EYS: variants seen among roughly 807,000 people sequenced by gnomAD.
EYS encodes protein eyes shut homolog.
Under a neutral mutation model 282.1 loss-of-function variants are expected in EYS, and 250 were observed. The ratio of observed to expected loss-of-function variants is 0.89; its 90% confidence interval spans 0.80 to 0.98. The LOEUF (loss-of-function observed/expected upper bound fraction) is 0.98. Ranked by LOEUF, EYS falls within the 50% of genes least tolerant of loss-of-function variation. The probability of loss-of-function intolerance (pLI) is 0.00; values close to 1 mark genes in which losing one functional copy is unlikely to be tolerated. For synonymous variants in EYS, 1,355 were observed against 1,282.9 expected (o/e 1.06, Z -1.20); for missense variants, 4,016 against 3,709.0 (o/e 1.08, Z -2.15).
chr6:64,965,574 A>T (rs1770065975), intron 14 of EYS, among the ~76,000 whole-genome samples: 1 of 151,958 alleles, frequency 6.6e-6, no homozygotes, highest in Non-Finnish European at 1.5e-5. Context: ...TAAAAGAAAA[A>T]CCCAAAAAGG....
chr6:65,434,423 C>T (rs1470994266), intron 5 of EYS, among the ~76,000 whole-genome samples: 1 of 151,820 alleles, frequency 6.6e-6, no homozygotes, highest in Non-Finnish European at 1.5e-5. Context: ...CACGTTCACG[C>T]CATTCTCCTG....
chr6:63,919,422 C>T (rs923628809), intron 35 of EYS, among the ~76,000 whole-genome samples: 1 of 149,568 alleles, frequency 6.7e-6, no homozygotes. Context: ...AATCCCAACC[C>T]ACACATCCTT....
intron 2 of EYS, among the ~76,000 whole-genome samples, chr6:65,510,152 C>T (rs964433982): frequency 6.9e-6 from 1 of 145,368 alleles, no homozygotes; most frequent in Non-Finnish European, 1.5e-5. Flanking sequence ...GGTATATCTC[C>T]CAATGCTATC....
At chr6:65,690,255 T>C (rs1398199978) in intron 1 of EYS, among the ~76,000 whole-genome samples, 7 of 149,972 alleles carry the variant, frequency 4.7e-5, no homozygotes, top group East Asian at 2.3e-4. Flanking sequence ...AAACAATCCA[T>C]AGAAGCAGGA....
intron 5 of EYS, among the ~76,000 whole-genome samples, chr6:65,461,473 C>T (rs921981534): frequency 6.6e-6 from 1 of 151,708 alleles, no homozygotes; most frequent in Non-Finnish European, 1.5e-5. Context: ...TATAAGCTCA[C>T]TCTCATATTC....
chr6:63,933,606 G>T (rs2149752847), intron 35 of EYS, among the ~76,000 whole-genome samples: 2 of 152,230 alleles, frequency 1.3e-5, no homozygotes, highest in South Asian at 4.2e-4. Context: ...CCTCTTCCCA[G>T]AGGTCTGGGG....
At chr6:64,039,626 A>C (rs1352518577) in intron 33 of EYS, among the ~76,000 whole-genome samples, 1 of 152,162 alleles carries the variant, frequency 6.6e-6, no homozygotes, top group Non-Finnish European at 1.5e-5. Context: ...GCAGTCTTAA[A>C]ATTTATTTAA....
intron 11 of EYS, among the ~76,000 whole-genome samples, chr6:65,323,530 T>C (rs187876430): frequency 0.043 from 6,554 of 151,572 alleles, 206 homozygotes; most frequent in Non-Finnish European, 0.063. Context: ...ACAACAGGTA[T>C]AGCCTTCATA....
chr6:65,348,667 T>C (rs1357137330), intron 9 of EYS, among the ~76,000 whole-genome samples: 1 of 151,726 alleles, frequency 6.6e-6, no homozygotes, highest in African/African-American at 2.4e-5. Context: ...TACCATTCTG[T>C]GAGTTTTGTC....
chr6:63,970,747 C>T (rs1274257484), intron 35 of EYS, among the ~76,000 whole-genome samples: 1 of 152,116 alleles, frequency 6.6e-6, no homozygotes, highest in Non-Finnish European at 1.5e-5. Flanking sequence ...TCCTTCTCCA[C>T]TGTGACTGCT....
At chr6:64,581,459 TTATC>T (rs1766064983) in intron 26 of EYS, among the ~76,000 whole-genome samples, 1 of 152,138 alleles carries the variant, frequency 6.6e-6, no homozygotes, top group Non-Finnish European at 1.5e-5. Flanking sequence ...TTTATGGTCT[TTATC>T]TAATCATTTT....
intron 26 of EYS, among the ~76,000 whole-genome samples, chr6:64,537,685 G>C (rs1764569084): frequency 6.6e-6 from 1 of 152,062 alleles, no homozygotes; most frequent in Non-Finnish European, 1.5e-5. Context: ...GAGACTTCAT[G>C]ATGAGTACTT....
intron 35 of EYS, among the ~76,000 whole-genome samples, chr6:63,945,091 A>G (rs1412330977): frequency 6.6e-6 from 1 of 152,206 alleles, no homozygotes; most frequent in African/African-American, 2.4e-5. Flanking sequence ...TTTAGCCATT[A>G]TATTAGTACT....
At chr6:65,392,654 T>C (rs1344177839) in intron 7 of EYS, among the ~76,000 whole-genome samples, 1 of 152,086 alleles carries the variant, frequency 6.6e-6, no homozygotes, top group African/African-American at 2.4e-5. Context: ...ATGGCAATCA[T>C]TAAAAAGTCA....
At position 65,487,350 on chromosome 6, in the gene EYS, C is replaced by T. The variant is rs1267847531; in HGVS notation, c.862+3244G>A. On this transcript the variant is annotated intron_variant, in intron 5 of 42. Transcript: ENST00000503581. ...CTTATTATGTTGACATACATTCCAT[C>T]GATACCTAGTTTATTGAGAGTTTTT... Among the ~76,000 whole-genome samples, 4 of 152,090 alleles carry T rather than the reference C, an allele frequency of 2.6e-5. No homozygotes were observed. The East Asian group carries it at 5.8e-4, about 22-fold the overall frequency.
intron 22 of EYS, among the ~76,000 whole-genome samples, chr6:64,652,886 A>ATG (rs1406784986): frequency 6.6e-6 from 1 of 152,058 alleles, no homozygotes; most frequent in Non-Finnish European, 1.5e-5. Context: ...GTGTGTACAT[A>ATG]TGTGTGTGTG....
chr6:64,783,779 G>C (rs1030556544), intron 22 of EYS, among the ~76,000 whole-genome samples: 3 of 151,958 alleles, frequency 2.0e-5, no homozygotes, highest in African/African-American at 7.2e-5. Context: ...AATTTCAAAG[G>C]CTTTAATCAT....
At chr6:64,854,909 C>T (rs1415915960) in intron 19 of EYS, among the ~76,000 whole-genome samples, 6 of 151,758 alleles carry the variant, frequency 4.0e-5, no homozygotes, top group Non-Finnish European at 5.9e-5. Context: ...TGAATCCTTT[C>T]GGCCTATTTT....
At chr6:63,825,367 C>T (rs1230202287) in intron 36 of EYS, among the ~76,000 whole-genome samples, 1 of 152,182 alleles carries the variant, frequency 6.6e-6, no homozygotes. Context: ...TTCTAGGGCC[C>T]CGCCCACTGC....
Sources: allele counts gnomAD v4.1 joint callset (sites outside exome capture counted in the v4.1 genomes callset), GRCh38; gene constraint gnomAD v4.1.1; transcripts MANE v1.5; gene names NCBI Gene and HGNC (gene_info 2026-07-23, HGNC 2026-07-21).